The following GATAD2A variants were observed in gnomAD, a reference collection of about 807,000 sequenced individuals.
GATAD2A encodes GATA zinc finger domain containing 2A, also known as transcriptional repressor p66-alpha.
Under a neutral mutation model 68.5 loss-of-function variants are expected in GATAD2A, and 12 were observed. That is an observed-to-expected ratio of 0.18 (90% confidence interval 0.11 to 0.28). The LOEUF (loss-of-function observed/expected upper bound fraction) is 0.28, where lower values mean the gene tolerates loss of function less well. GATAD2A is among the 10% of genes least tolerant of loss of function. The pLI, the probability that GATAD2A is intolerant of heterozygous loss-of-function variation, is 1.00. For synonymous variants in GATAD2A, 410 were observed against 375.3 expected, an observed-to-expected ratio of 1.09 and a Z score of -1.07; for missense variants, 755 against 868.5, an observed-to-expected ratio of 0.87 and a Z score of 1.64.
intron 1 of GATAD2A, among the ~76,000 whole-genome samples, chr19:19,446,864 A>C (rs1177736699): frequency 1.3e-5 from 2 of 152,194 alleles, no homozygotes; most frequent in African/African-American, 4.8e-5. Flanking sequence ...GTGCCTGGCC[A>C]GGTTTTGTTT....
chr19:19,408,085 C>T (rs1337797421), intron 1 of GATAD2A, among the ~76,000 whole-genome samples: 5 of 152,166 alleles, frequency 3.3e-5, no homozygotes, highest in Admixed American at 6.5e-5. Flanking sequence ...CTGCAACTTC[C>T]GCCTCTCAGG....
chr19:19,424,495 G>A (rs1185356469), intron 1 of GATAD2A, among the ~76,000 whole-genome samples: 4 of 152,130 alleles, frequency 2.6e-5, no homozygotes, highest in Non-Finnish European at 4.4e-5. Context: ...CTCCCAAAGC[G>A]CTGGGATTAC....
intron 2 of GATAD2A, among the ~76,000 whole-genome samples, chr19:19,484,760 C>T (rs978976304): frequency 2.0e-5 from 3 of 152,070 alleles, no homozygotes; most frequent in Non-Finnish European, 4.4e-5. Context: ...GTCTCTATCT[C>T]GTGACCTCGT....
intron 1 of GATAD2A, among the ~76,000 whole-genome samples, chr19:19,424,363 G>A (rs2052801938): frequency 6.6e-6 from 1 of 152,158 alleles, no homozygotes. Flanking sequence ...CTGAGTAGCT[G>A]TGACCATAGG....
chr19:19,385,923 G>GCGCGCGCA (rs2048381556), exon 1 of GATAD2A: 1 of 148,542 alleles, frequency 6.7e-6, no homozygotes, highest in African/African-American at 2.4e-5. Context: ...CAGCGCCCCG[G>GCGCGCGCA]CGCGCGCACG....
In GATAD2A at chr19:19,496,829, A is replaced by G. The variant is rs529602815; in HGVS notation, c.924+610A>G. On this transcript the variant is annotated intron_variant, in intron 7 of 11. Transcript: ENST00000683918. ...ACAGGCGCCTTGGCTGACAGATAAA[A>G]TTACCAGGTCTGCAGGGGCTTTTGT... is the stretch of plus-strand genomic sequence containing the variant. 6.6e-5 allele frequency among the ~76,000 whole-genome samples: 10 copies of G among 152,258 alleles called. No individual in the cohort carries two copies. In the South Asian group the frequency reaches 2.1e-3, roughly 32 times the overall value.
At chr19:19,385,973 C>G (rs1254620811) in exon 1 of GATAD2A, 3 of 149,268 alleles carry the variant, frequency 2.0e-5, no homozygotes, top group Non-Finnish European at 4.5e-5. Flanking sequence ...GCCGCCCGCG[C>G]AGTCGGTCGG....
intron 1 of GATAD2A, chr19:19,428,129 C>T (rs190402101): frequency 3.3e-5 from 5 of 152,238 alleles, no homozygotes; most frequent in Non-Finnish European, 5.9e-5. Flanking sequence ...CTCTTTTGTT[C>T]TTGTGACATT....
At chr19:19,470,152 T>TA (rs1450537609) in intron 2 of GATAD2A, among the ~76,000 whole-genome samples, 29 of 137,052 alleles carry the variant, frequency 2.1e-4, no homozygotes, top group African/African-American at 6.2e-4. Context: ...TATTTTTTTT[T>TA]TTGTTTTTTT....
intron 2 of GATAD2A, among the ~76,000 whole-genome samples, chr19:19,472,169 T>TTA (rs1255259338): frequency 6.6e-6 from 1 of 152,188 alleles, no homozygotes; most frequent in African/African-American, 2.4e-5. Flanking sequence ...AGTGCTGGGA[T>TTA]TATAGATGAG....
chr19:19,452,728 C>T (rs1285643290), intron 1 of GATAD2A, among the ~76,000 whole-genome samples: 1 of 152,078 alleles, frequency 6.6e-6, no homozygotes, highest in Non-Finnish European at 1.5e-5. Context: ...CACACGCAGA[C>T]CTTTAGCCAC....
intron 1 of GATAD2A, among the ~76,000 whole-genome samples, chr19:19,433,868 A>G (rs2054022561): frequency 6.6e-6 from 1 of 152,214 alleles, no homozygotes; most frequent in African/African-American, 2.4e-5. Context: ...TCCTGGGCTC[A>G]GGTGATCCTC....
At chr19:19,424,376 T>C (rs897408848) in intron 1 of GATAD2A, among the ~76,000 whole-genome samples, 1 of 152,106 alleles carries the variant, frequency 6.6e-6, no homozygotes, top group African/African-American at 2.4e-5. Context: ...ACCATAGGCA[T>C]GAGCCAGCAT....
intron 1 of GATAD2A, among the ~76,000 whole-genome samples, chr19:19,440,901 CCCTTCCTTTCCTTCCTTCCCTTT>C (rs1568287683): frequency 6.6e-6 from 1 of 151,304 alleles, no homozygotes; most frequent in South Asian, 2.1e-4. Flanking sequence ...TTCTTTCCTT[CCCTTCCTTTCCTTCCTTCCCTTT>C]CCTTCCTTTT....
chr19:19,442,947 G>C (rs2055278335), intron 1 of GATAD2A, among the ~76,000 whole-genome samples: 1 of 152,078 alleles, frequency 6.6e-6, no homozygotes, highest in Non-Finnish European at 1.5e-5. Context: ...CCAGGAACGA[G>C]AGTGTGGGCG....
rs1363750872 is a variant in GATAD2A, at chr19:19,505,551, C to CA, written c.*77_*78insA. On this transcript the variant is annotated 3_prime_UTR_variant, in exon 12 of 12. Transcript: ENST00000683918. ...TGGTCTAGAAGGACCCACTGCACCACCCTCCGCTGGCTCGGGAAGACACCG... is the reference window on the plus strand; with the variant it reads ...TGGTCTAGAAGGACCCACTGCACCACACCTCCGCTGGCTCGGGAAGACACCG... The CA allele has an allele frequency of 7.6e-6, 10 of 1,322,098 alleles. No individual in the cohort carries two copies. Among genetic ancestry groups the CA allele is most frequent in the Non-Finnish European group, 9.2e-6 (9 of 979,072 alleles). The allele number at this position is 1,322,098 out of a possible 1,614,324, so 81.9% of individuals were successfully genotyped here.
intron 2 of GATAD2A, among the ~76,000 whole-genome samples, chr19:19,491,995 C>T (rs1323323435): frequency 6.6e-6 from 1 of 152,222 alleles, no homozygotes; most frequent in Non-Finnish European, 1.5e-5. Flanking sequence ...GTAGAGGGAG[C>T]AGCCATGTTT....
intron 1 of GATAD2A, among the ~76,000 whole-genome samples, chr19:19,408,680 C>T (rs1240894576): frequency 6.6e-6 from 1 of 152,202 alleles, no homozygotes; most frequent in Admixed American, 6.5e-5. Flanking sequence ...CAACAAATAT[C>T]AGAGTGCATA....
chr19:19,463,724 G>A (rs1600197446), intron 1 of GATAD2A, among the ~76,000 whole-genome samples: 1 of 152,202 alleles, frequency 6.6e-6, no homozygotes, highest in Non-Finnish European at 1.5e-5. Context: ...AGGGTAGGGA[G>A]CACAGAGCTG....
Sources: allele counts gnomAD v4.1 joint callset (sites outside exome capture counted in the v4.1 genomes callset), GRCh38; gene constraint gnomAD v4.1.1; transcripts MANE v1.5; gene names NCBI Gene and HGNC (gene_info 2026-07-23, HGNC 2026-07-21).